INSYN2A: variants seen among roughly 807,000 people sequenced by gnomAD.
INSYN2A encodes inhibitory synaptic factor 2A, also known as family with sequence similarity 196 member A.
In INSYN2A, 17 loss-of-function variants were observed where a neutral mutation model predicts 39.4. The observed-to-expected ratio is 0.43, with a 90% CI of 0.30 to 0.65. The LOEUF is 0.65. Among genes scored for constraint, INSYN2A ranks in the 30% least tolerant of loss-of-function variants. The pLI, the probability that INSYN2A is intolerant of heterozygous loss-of-function variation, is 0.14. For missense variants in INSYN2A, 595 were observed against 631.2 expected (o/e 0.94, Z 0.61); for synonymous variants, 255 against 265.7 (o/e 0.96, Z 0.39).
chr10:127,157,144 G>A (rs1170189906), intron 4 of INSYN2A, among the ~76,000 whole-genome samples: 2 of 152,366 alleles, frequency 1.3e-5, no homozygotes, highest in East Asian at 3.9e-4. Context: ...AGGAAGTGTT[G>A]TGAAGCAGTA....
Position 127,165,915 on chromosome 10 carries a change from G to A in INSYN2A, c.1184+9297C>T, listed in dbSNP as rs969583722. ...GGGGATCTCTGCTGTCTCTAGCACCGGAAAGATGCTTTCTCCAGAAGATGA... is the reference window on the plus strand; with the variant it reads ...GGGGATCTCTGCTGTCTCTAGCACCAGAAAGATGCTTTCTCCAGAAGATGA... On this transcript the variant is annotated intron_variant, in intron 4 of 5. Coordinates refer to ENST00000522781, the MANE Select transcript of INSYN2A (RefSeq NM_001039762.3). 3.9e-5 allele frequency among the ~76,000 whole-genome samples: 6 copies of A among 152,254 alleles called. No homozygotes were observed. In the East Asian group the frequency reaches 7.7e-4, roughly 20 times the overall value.
At chr10:127,183,874 A>T (rs534934161) in intron 2 of INSYN2A, among the ~76,000 whole-genome samples, 1 of 152,232 alleles carries the variant, frequency 6.6e-6, no homozygotes, top group South Asian at 2.1e-4. Context: ...TGGTTGTTTA[A>T]TTTTTCCCTT....
intron 1 of INSYN2A, among the ~76,000 whole-genome samples, chr10:127,194,426 T>C (rs952891614): frequency 9.8e-5 from 15 of 152,322 alleles, no homozygotes; most frequent in African/African-American, 3.1e-4. Context: ...ATTGCAAAGA[T>C]AAATATGAAC....
intron 5 of INSYN2A, among the ~76,000 whole-genome samples, chr10:127,142,991 A>AG (rs1285926883): frequency 6.6e-6 from 1 of 152,108 alleles, no homozygotes; most frequent in Non-Finnish European, 1.5e-5. Flanking sequence ...TTCTTCCCAG[A>AG]GACTGTGCTA....
intron 2 of INSYN2A, among the ~76,000 whole-genome samples, chr10:127,190,908 G>T (rs1463344173): frequency 6.6e-6 from 1 of 151,796 alleles, no homozygotes; most frequent in African/African-American, 2.4e-5. Context: ...CCTCTCCTCT[G>T]GTTTGCCTCT....
intron 4 of INSYN2A, among the ~76,000 whole-genome samples, chr10:127,155,353 A>G (rs1418793389): frequency 6.6e-6 from 1 of 152,196 alleles, no homozygotes; most frequent in African/African-American, 2.4e-5. Context: ...GGTTATGTGC[A>G]GTTTGTTGAT....
chr10:127,172,942 A>C (rs1056102418), intron 4 of INSYN2A, among the ~76,000 whole-genome samples: 5 of 152,284 alleles, frequency 3.3e-5, no homozygotes, highest in Admixed American at 6.5e-5. Context: ...GTGACTGTGA[A>C]GTTTCAATTG....
rs2050708241 is a variant in INSYN2A, at chr10:127,136,487, A to T, written c.*1350T>A. The T allele has an allele frequency of 6.6e-6, 1 of 152,408 alleles. No individual in the cohort carries two copies. Among genetic ancestry groups the T allele is most frequent in the Non-Finnish European group, 1.5e-5 (1 of 68,028 alleles). 9.4% of individuals were successfully genotyped at this position (152,408 alleles called of 1,614,324 possible). On this transcript the variant is annotated 3_prime_UTR_variant, in exon 6 of 6. Transcript: ENST00000522781. ...CAAAATTTAAGTTGTACAAAAAAAAAAAAAAAGGCAAAGTAAGATCCCTAC... is the reference window on the plus strand; with the variant it reads ...CAAAATTTAAGTTGTACAAAAAAAATAAAAAAGGCAAAGTAAGATCCCTAC...
intron 4 of INSYN2A, among the ~76,000 whole-genome samples, chr10:127,170,988 G>A (rs1044500044): frequency 6.6e-6 from 1 of 152,192 alleles, no homozygotes; most frequent in Non-Finnish European, 1.5e-5. Flanking sequence ...CCTACTTGCA[G>A]AATTCATCCC....
intron 1 of INSYN2A, among the ~76,000 whole-genome samples, chr10:127,195,497 C>G (rs1043914247): frequency 6.6e-6 from 1 of 152,088 alleles, no homozygotes; most frequent in African/African-American, 2.4e-5. Context: ...CAACGGCCGG[C>G]GTCAGGGCCC....
chr10:127,163,417 TG>T (rs1250580893), intron 4 of INSYN2A, among the ~76,000 whole-genome samples: 1 of 152,096 alleles, frequency 6.6e-6, no homozygotes. Flanking sequence ...GTCAACACAA[TG>T]TGGGCAGAGG....
rs142182142 is a variant in INSYN2A, at chr10:127,175,720, C to G, written c.676G>C (p.Gly226Arg). Residue 226 changes from glycine to arginine, a missense_variant, in exon 4 of 6, where the codon GGG (glycine) becomes CGG (arginine). This residue lies in a region of INSYN2A where 478 missense variants were observed against 467.4 expected (regional missense o/e 1.02). Transcript: ENST00000522781. The surrounding 1 kb of genome is among the most constrained non-coding windows in gnomAD (Gnocchi z 6.3). ...CTCCCCCGGTCCTGCTTGGCCCTCCCGAGCAGCTGGTAATCGGGCTCTTCG... is the reference window on the plus strand; with the variant it reads ...CTCCCCCGGTCCTGCTTGGCCCTCCGGAGCAGCTGGTAATCGGGCTCTTCG... ...PSEEPDYQLL[G>R]RAKQDRGRPN... The G allele has an allele frequency of 3.1e-6, 5 of 1,613,976 alleles. No homozygotes were observed. Among genetic ancestry groups the G allele is most frequent in the South Asian group, 1.1e-5 (1 of 91,078 alleles).
chr10:127,175,439 A>G lies in INSYN2A; in HGVS notation c.957T>C (p.Ser319=), dbSNP rs2055000966. ...PPMQCLSPEC[S]EQPSQTHTPP... ...GGGTGTGAGTCTGCGACGGCTGCTC[A>G]CTACATTCGGGGGACAGGCACTGCA... is the stretch of plus-strand genomic sequence containing the variant. The change falls in exon 4 of 6, where the codon AGT becomes AGC. Residue 319 remains serine, a synonymous_variant. Transcript: ENST00000522781. This position sits in a 1 kb window ranked among gnomAD's most constrained non-coding sequence, Gnocchi z 6.3. 1 of 1,612,466 alleles carries G rather than the reference A, an allele frequency of 6.2e-7. No homozygotes were observed. Among genetic ancestry groups the G allele is most frequent in the Admixed American group, 1.7e-5 (1 of 60,016 alleles).
chr10:127,155,340 C>G (rs1474232271), intron 4 of INSYN2A, among the ~76,000 whole-genome samples: 1 of 152,196 alleles, frequency 6.6e-6, no homozygotes, highest in Non-Finnish European at 1.5e-5. Context: ...GACGTGACCT[C>G]ATGGTTATGT....
Position 127,176,187 on chromosome 10 carries a change from C to T in INSYN2A, c.209G>A (p.Gly70Glu), listed in dbSNP as rs375404920. 11 of 1,614,036 alleles carry T rather than the reference C, an allele frequency of 6.8e-6. No homozygotes were observed. The African/African-American group carries it at 1.2e-4, about 18-fold the overall frequency. The change falls in exon 4 of 6, where the codon GGG (glycine) becomes GAG (glutamate). Residue 70 changes from glycine (G) to glutamate (E), a missense_variant. Transcript: ENST00000522781. The surrounding 1 kb of genome is among the most constrained non-coding windows in gnomAD (Gnocchi z 4.4). ...RDTQLSSGQL[G>E]EKREAKPVSC... is the part of the protein sequence containing the mutation. ...CACGGGCTTGGCCTCCCGCTTCTCCCCCAGCTGGCCCGAGGACAGCTGTGT... is the reference window on the plus strand; with the variant it reads ...CACGGGCTTGGCCTCCCGCTTCTCCTCCAGCTGGCCCGAGGACAGCTGTGT...
rs370957941 is a variant in INSYN2A, at chr10:127,175,799, C to T, written c.597G>A (p.Pro199=). 192 of 1,614,082 alleles carry T rather than the reference C, an allele frequency of 1.2e-4. No homozygotes were observed. Among genetic ancestry groups the T allele is most frequent in the South Asian group, 1.6e-4 (15 of 91,078 alleles). Residue 199 remains proline, a synonymous_variant, in exon 4 of 6, where the codon CCG becomes CCA. Coordinates refer to ENST00000522781, the MANE Select transcript of INSYN2A (RefSeq NM_001039762.3). This position sits in a 1 kb window ranked among gnomAD's most constrained non-coding sequence, Gnocchi z 6.3. ...GVNCTEPCKS[P]EPLSYGEAAL... is the part of the protein sequence containing the mutation. ...CAGCTTCTCCATAGCTGAGCGGCTC[C>T]GGGCTTTTACAGGGCTCTGTGCAGT...
intron 1 of INSYN2A, among the ~76,000 whole-genome samples, chr10:127,194,358 G>C (rs2056953335): frequency 6.6e-6 from 1 of 152,172 alleles, no homozygotes; most frequent in Non-Finnish European, 1.5e-5. Flanking sequence ...CAGATGGCAG[G>C]ACTTCCATTT....
At chr10:127,185,262 C>T (rs1212282654) in intron 2 of INSYN2A, among the ~76,000 whole-genome samples, 1 of 152,190 alleles carries the variant, frequency 6.6e-6, no homozygotes, top group Non-Finnish European at 1.5e-5. Flanking sequence ...GGCACGGTGG[C>T]TCATGCCTGT....
chr10:127,185,325 A>G (rs887138460), intron 2 of INSYN2A, among the ~76,000 whole-genome samples: 9 of 152,094 alleles, frequency 5.9e-5, no homozygotes. Context: ...TCAGGAGATC[A>G]AGACCATCCT....
Sources: allele counts gnomAD v4.1 joint callset (sites outside exome capture counted in the v4.1 genomes callset), GRCh38; gene constraint gnomAD v4.1.1; regional missense constraint gnomAD v4.1.1; non-coding constraint Gnocchi (gnomAD v3.1); transcripts MANE v1.5; gene names NCBI Gene and HGNC (gene_info 2026-07-23, HGNC 2026-07-21).